The following MME variants were observed in gnomAD, a reference collection of about 807,000 sequenced individuals.
MME encodes neprilysin.
A neutral mutation model predicts 113.2 loss-of-function variants in MME; 98 were observed. The observed-to-expected ratio is 0.87, with a 90% CI of 0.74 to 1.02. The LOEUF is 1.02. MME is among the 50% of genes least tolerant of loss of function. MME has a pLI of 0.00. For missense variants in MME, 836 were observed against 896.0 expected (o/e 0.93, Z 0.86); for synonymous variants, 292 against 300.6 (o/e 0.97, Z 0.30).
intron 18 of MME, 117 bp downstream of exon 18, chr3:155,167,138 A>T: frequency 7.6e-7 from 1 of 1,321,030 alleles, no homozygotes; most frequent in Non-Finnish European, 1.1e-6. Context: ...CATTTCTCTA[A>T]TTTTCACCAC....
chr3:155,133,913 G>A (rs936189193), intron 8 of MME, among the ~76,000 whole-genome samples: 1 of 150,490 alleles, frequency 6.6e-6, no homozygotes, highest in African/African-American at 2.4e-5. Flanking sequence ...GCTAAAGGTC[G>A]ATTGATTTAT....
chr3:155,077,671 T>A (rs1199474343), upstream of MME, among the ~76,000 whole-genome samples: 1 of 151,448 alleles, frequency 6.6e-6, no homozygotes, highest in Non-Finnish European at 1.5e-5. Context: ...AGCCCAGAGT[T>A]AGAGACCAGC....
intron 14 of MME, among the ~76,000 whole-genome samples, chr3:155,145,510 A>G (rs1318892201): frequency 3.3e-5 from 5 of 152,032 alleles, no homozygotes; most frequent in Non-Finnish European, 7.4e-5. Flanking sequence ...GGTTGGGGGC[A>G]GGGGGGCAGA....
chr3:155,126,576 T>G (rs1719677279), intron 8 of MME, among the ~76,000 whole-genome samples: 1 of 152,152 alleles, frequency 6.6e-6, no homozygotes, highest in Non-Finnish European at 1.5e-5. Flanking sequence ...GTTGTCAATA[T>G]TTTTCAAAAT....
intron 1 of MME, among the ~76,000 whole-genome samples, chr3:155,057,853 T>A (rs748786891): frequency 6.6e-6 from 1 of 152,172 alleles, no homozygotes; most frequent in Non-Finnish European, 1.5e-5. Context: ...GCCTGTCATA[T>A]TTTGCCTCTC....
intron 22 of MME, among the ~76,000 whole-genome samples, chr3:155,177,346 C>T (rs564597946): frequency 2.0e-5 from 3 of 152,248 alleles, no homozygotes; most frequent in African/African-American, 7.2e-5. Context: ...CTGTCTTTAG[C>T]CAGTAGCTAG....
chr3:155,048,666 G>C (rs1005524478), intron 1 of MME, among the ~76,000 whole-genome samples: 1 of 152,078 alleles, frequency 6.6e-6, no homozygotes, highest in African/African-American at 2.4e-5. Flanking sequence ...TTGAAGTTTA[G>C]AGTAGATTAT....
rs1714042250 is a variant in MME at position 155,059,004 on chromosome 3, T to C, written c.-10-25154T>C. Among the ~76,000 whole-genome samples the C allele has an allele frequency of 2.0e-5, 3 of 152,256 alleles. No homozygotes were observed. In the South Asian group the frequency reaches 6.2e-4, roughly 32 times the overall value. Reference sequence around the variant, plus strand: ...TTGGCCAGGTGTGGTGGCTCATGCCTGTAATCCCAGCACTGTGGGAGGCCA... The same window carrying C: ...TTGGCCAGGTGTGGTGGCTCATGCCCGTAATCCCAGCACTGTGGGAGGCCA... On this transcript the variant is annotated intron_variant, in intron 1 of 22. Transcript: ENST00000492661.
chr3:155,150,885 C>G (rs3172398), intron 16 of MME, among the ~76,000 whole-genome samples: 1 of 152,156 alleles, frequency 6.6e-6, no homozygotes, highest in African/African-American at 2.4e-5. Context: ...TGCATCAAAT[C>G]ATTAAGACTG....
chr3:155,160,358 T>C lies in MME; in HGVS notation c.1602-32T>C, dbSNP rs757996165. 8 of 1,435,176 alleles carry C rather than the reference T, an allele frequency of 5.6e-6. No individual in the cohort carries two copies. The South Asian group carries it at 9.1e-5, about 16-fold the overall frequency. 88.9% of individuals were successfully genotyped at this position (1,435,176 alleles called of 1,614,324 possible). A position where few individuals can be genotyped will look rare whatever the true frequency, so the allele number is the denominator to read the frequency against. On this transcript the variant is annotated intron_variant, in intron 16 of 22. Transcript: ENST00000360490. ...GTGGGTTGAATCAGATAATGCAGTATCATTTGTAAAGAGTTCTTATGTTTT... is the reference window on the plus strand; with the variant it reads ...GTGGGTTGAATCAGATAATGCAGTACCATTTGTAAAGAGTTCTTATGTTTT...
At chr3:155,115,619 G>A (rs1424551655) in intron 4 of MME, among the ~76,000 whole-genome samples, 1 of 152,162 alleles carries the variant, frequency 6.6e-6, no homozygotes, top group Non-Finnish European at 1.5e-5. Flanking sequence ...AGTAGGGACG[G>A]GGTTTCACCA....
intron 1 of MME, among the ~76,000 whole-genome samples, chr3:155,029,567 A>C (rs1712899015): frequency 6.6e-6 from 1 of 151,960 alleles, no homozygotes; most frequent in African/African-American, 2.4e-5. Context: ...AAGCCAAGTC[A>C]AGCAAGTATC....
At chr3:155,032,993 C>G (rs180825991) in intron 1 of MME, among the ~76,000 whole-genome samples, 2 of 152,266 alleles carry the variant, frequency 1.3e-5, no homozygotes, top group East Asian at 3.9e-4. Context: ...ATTTAACATT[C>G]CATACTAAAG....
At chr3:155,045,310 C>A (rs1713519695) in intron 1 of MME, among the ~76,000 whole-genome samples, 1 of 152,066 alleles carries the variant, frequency 6.6e-6, no homozygotes, top group South Asian at 2.1e-4. Context: ...GCCACCACAC[C>A]TGGCTAATTT....
chr3:155,175,518 A>G (rs554720484), intron 22 of MME, among the ~76,000 whole-genome samples: 1 of 151,878 alleles, frequency 6.6e-6, no homozygotes, highest in African/African-American at 2.4e-5. Flanking sequence ...TATAATATTT[A>G]TATGTAATCT....
At chr3:155,033,982 C>T (rs912697652) in intron 1 of MME, among the ~76,000 whole-genome samples, 2 of 152,016 alleles carry the variant, frequency 1.3e-5, no homozygotes, top group Admixed American at 6.6e-5. Flanking sequence ...TCAAAATTAG[C>T]GTATTATCTC....
chr3:155,142,194 G>C (rs749392665), intron 11 of MME, 43 bp from the exon 12 acceptor site: 1 of 1,612,810 alleles, frequency 6.2e-7, no homozygotes, highest in East Asian at 2.2e-5. Flanking sequence ...AAGCTTTGCA[G>C]CCTCATCTTT....
chr3:155,128,895 G>A (rs560786476), intron 8 of MME, among the ~76,000 whole-genome samples: 15 of 152,156 alleles, frequency 9.9e-5, no homozygotes, highest in Admixed American at 3.3e-4. Flanking sequence ...CCTTGATTCC[G>A]GGAAACATGA....
chr3:155,069,975 G>T (rs2108143413), intron 1 of MME, among the ~76,000 whole-genome samples: 1 of 152,230 alleles, frequency 6.6e-6, no homozygotes, highest in East Asian at 1.9e-4. Context: ...GGAAGAGATT[G>T]TTTTCCTTTT....
Sources: gnomAD v4.1 joint callset for allele counts (sites outside exome capture counted in the v4.1 genomes callset) on GRCh38, gnomAD v4.1.1 for gene constraint, MANE v1.5 for transcripts, NCBI Gene and HGNC (gene_info 2026-07-23, HGNC 2026-07-21) for gene names.